SCGB2B2: variants seen among roughly 807,000 people sequenced by gnomAD.
SCGB2B2 encodes the protein secretoglobin-like protein.
In SCGB2B2, 11 loss-of-function variants were observed where a neutral mutation model predicts 7.6. That is an observed-to-expected ratio of 1.45 (90% CI 0.91 to 2.40). The LOEUF is 2.40. Ranked by LOEUF, SCGB2B2 falls within the 30% of genes most tolerant of loss-of-function variation. SCGB2B2 has a pLI of 0.00. For missense variants in SCGB2B2, 104 were observed against 115.4 expected, an observed-to-expected ratio of 0.90 and a Z score of 0.45; for synonymous variants, 50 against 48.6, an observed-to-expected ratio of 1.03 and a Z score of -0.12.
chr19:34,636,240 G>A (rs1159284132), intron 1 of SCGB2B2, among the ~76,000 whole-genome samples: 1 of 152,242 alleles, frequency 6.6e-6, no homozygotes, highest in Non-Finnish European at 1.5e-5. Context: ...CCCTATCACA[G>A]TGTGTGTCTT....
chr19:34,585,776 G>A (rs535683163), downstream of SCGB2B2, among the ~76,000 whole-genome samples: 2 of 152,290 alleles, frequency 1.3e-5, no homozygotes, highest in South Asian at 4.1e-4. Flanking sequence ...ATGGATCCAG[G>A]TGGAGCCATC....
rs528562428 is a variant in SCGB2B2, at chr19:34,616,782, T to A, written c.-2031-20188A>T. 1.6e-3 allele frequency among the ~76,000 whole-genome samples: 238 copies of A among 151,650 alleles called. 1 individual carries two copies. Among genetic ancestry groups the A allele is most frequent in the African/African-American group, 5.3e-3 (220 of 41,306 alleles). Reference sequence around the variant, plus strand: ...GCCCATGCCTATGTCCTGAATGGTATTGCCTAGGTTTTCTTCTAGGGTTTT... The same window carrying A: ...GCCCATGCCTATGTCCTGAATGGTAATGCCTAGGTTTTCTTCTAGGGTTTT... On this transcript the variant is annotated intron_variant, in intron 1 of 3. Transcript: ENST00000601241.
chr19:34,611,200 T>C (rs1227175240), intron 1 of SCGB2B2, among the ~76,000 whole-genome samples: 1 of 134,138 alleles, frequency 7.5e-6, no homozygotes, highest in Non-Finnish European at 1.7e-5. Context: ...TATTTACTTG[T>C]GCCTTTTTTC....
At chr19:34,645,879 A>G (rs2066996467) in intron 1 of SCGB2B2, 1 of 241,630 alleles carries the variant, frequency 4.1e-6, no homozygotes, top group South Asian at 4.8e-5. Context: ...TGCCTCATCC[A>G]CCACAGGGGA....
At chr19:34,608,055 A>T (rs1354271898) in intron 1 of SCGB2B2, among the ~76,000 whole-genome samples, 1 of 152,148 alleles carries the variant, frequency 6.6e-6, no homozygotes, top group African/African-American at 2.4e-5. Context: ...CACTTTGGGT[A>T]TTATGAATAT....
intron 1 of SCGB2B2, among the ~76,000 whole-genome samples, chr19:34,634,551 C>G (rs1297115844): frequency 9.5e-5 from 4 of 42,130 alleles, no homozygotes; most frequent in African/African-American, 5.8e-4. Flanking sequence ...AGCTACTACA[C>G]AAAGCTACTT....
chr19:34,671,443 C>CTT (rs55786074), intron 1 of SCGB2B2, among the ~76,000 whole-genome samples: 2,240 of 149,234 alleles, frequency 0.015, 34 homozygotes, highest in South Asian at 0.081. Flanking sequence ...GCATCTTTTT[C>CTT]TTTTTTTTTT....
At chr19:34,601,814 A>G (rs1233540583) in intron 1 of SCGB2B2, among the ~76,000 whole-genome samples, 1 of 152,170 alleles carries the variant, frequency 6.6e-6, no homozygotes, top group African/African-American at 2.4e-5. Flanking sequence ...TGCATTGTAG[A>G]ATCTCTAACA....
intron 1 of SCGB2B2, among the ~76,000 whole-genome samples, chr19:34,669,736 G>A (rs1217059070): frequency 1.6e-4 from 2 of 12,896 alleles, no homozygotes; most frequent in East Asian, 2.1e-3. Flanking sequence ...CACACGAAGA[G>A]GTGTGTCTCA....
chr19:34,655,904 A>G (rs1443814001), intron 1 of SCGB2B2, among the ~76,000 whole-genome samples: 2 of 151,252 alleles, frequency 1.3e-5, no homozygotes, highest in African/African-American at 2.5e-5. Context: ...GTAGCCCTGA[A>G]AAAAACCAAA....
At chr19:34,617,960 C>T (rs997480281) in intron 1 of SCGB2B2, among the ~76,000 whole-genome samples, 3 of 152,222 alleles carry the variant, frequency 2.0e-5, no homozygotes, top group East Asian at 1.9e-4. Context: ...TTGCGCTTCC[C>T]GAGTGAGGCA....
rs543789456 is a variant in SCGB2B2, at chr19:34,673,044, T to G, written c.-2032+2586A>C. On this transcript the variant is annotated intron_variant, in intron 1 of 3. Transcript: ENST00000601241. ...AAACAGCTTCTGCATCAGAGTAAAC[T>G]GGCTTTTCTTCTCCAAAGTTCATAT... is the stretch of plus-strand genomic sequence containing the variant. 2.0e-5 allele frequency among the ~76,000 whole-genome samples: 3 copies of G among 152,286 alleles called. No homozygotes were observed. In the South Asian group the frequency reaches 6.2e-4, roughly 32 times the overall value.
chr19:34,644,620 A>G (rs1261018577), intron 1 of SCGB2B2, among the ~76,000 whole-genome samples: 1 of 152,170 alleles, frequency 6.6e-6, no homozygotes. Context: ...TGGGTAACTC[A>G]TATAAGTGAA....
intron 1 of SCGB2B2, among the ~76,000 whole-genome samples, chr19:34,617,151 T>C (rs1238745368): frequency 6.6e-6 from 1 of 152,218 alleles, no homozygotes; most frequent in Admixed American, 6.5e-5. Context: ...TGGCTTAGGA[T>C]TGACTTGGCG....
intron 1 of SCGB2B2, among the ~76,000 whole-genome samples, chr19:34,631,788 A>C (rs1380512573): frequency 1.3e-5 from 2 of 152,188 alleles, no homozygotes; most frequent in African/African-American, 4.8e-5. Context: ...GGAAATGCGA[A>C]GAACTTAGAA....
At chr19:34,633,990 C>T (rs979626506) in intron 1 of SCGB2B2, among the ~76,000 whole-genome samples, 3 of 152,216 alleles carry the variant, frequency 2.0e-5, no homozygotes, top group Non-Finnish European at 4.4e-5. Flanking sequence ...GATCTCTCCT[C>T]TCTGTCCCGT....
intron 1 of SCGB2B2, chr19:34,608,862 G>A (rs2065855364): frequency 6.6e-6 from 1 of 151,188 alleles, no homozygotes; most frequent in Non-Finnish European, 1.5e-5. Context: ...GATATTGCTC[G>A]ATCATATGGT....
At chr19:34,610,863 T>A (rs2065908379) in intron 1 of SCGB2B2, among the ~76,000 whole-genome samples, 1 of 151,982 alleles carries the variant, frequency 6.6e-6, no homozygotes, top group Non-Finnish European at 1.5e-5. Flanking sequence ...TTCCATTCTT[T>A]TCAATTTCTT....
intron 1 of SCGB2B2, among the ~76,000 whole-genome samples, chr19:34,671,884 T>G (rs1360439544): frequency 6.6e-6 from 1 of 152,216 alleles, no homozygotes; most frequent in Non-Finnish European, 1.5e-5. Flanking sequence ...AATATTTATG[T>G]TGTCTAACTT....
Sources: gnomAD v4.1 joint callset for allele counts (sites outside exome capture counted in the v4.1 genomes callset) on GRCh38, gnomAD v4.1.1 for gene constraint, MANE v1.5 for transcripts, NCBI Gene and HGNC (gene_info 2026-07-23, HGNC 2026-07-21) for gene names.